STAU2: variants seen among roughly 807,000 people sequenced by gnomAD.
STAU2 encodes staufen double-stranded RNA binding protein 2.
Under a neutral mutation model 65.9 loss-of-function variants are expected in STAU2, and 20 were observed. That is an observed-to-expected ratio of 0.30 (90% CI 0.21 to 0.44). The LOEUF is 0.44. Ranked by LOEUF, STAU2 falls within the 20% of genes least tolerant of loss-of-function variation. The probability of loss-of-function intolerance (pLI) is 1.00; values close to 1 mark genes in which losing one functional copy is unlikely to be tolerated. For synonymous variants in STAU2, 232 were observed against 233.9 expected (o/e 0.99, Z 0.07); for missense variants, 558 against 683.9 (o/e 0.82, Z 2.05).
rs1432792386 is a variant in STAU2, at chr8:73,746,814, C to A, written c.-228G>T. 2.0e-5 allele frequency: 25 copies of A among 1,231,562 alleles called. No individual in the cohort carries two copies. Among genetic ancestry groups the A allele is most frequent in the Non-Finnish European group, 2.5e-5 (25 of 986,730 alleles). 76.3% of individuals were successfully genotyped at this position (1,231,562 alleles called of 1,614,324 possible). On this transcript the variant is annotated 5_prime_UTR_variant, in exon 1 of 15. Transcript: ENST00000524300. ...GCCGGGGACACTTTGCAGACGGCTCCAACATTGGCAAACACTACAGAGAAC... is the reference window on the plus strand; with the variant it reads ...GCCGGGGACACTTTGCAGACGGCTCAAACATTGGCAAACACTACAGAGAAC...
chr8:73,444,361 G>A (rs754854235), intron 13 of STAU2, among the ~76,000 whole-genome samples: 4 of 148,944 alleles, frequency 2.7e-5, no homozygotes, highest in Admixed American at 2.0e-4. Flanking sequence ...AGCCGAGATC[G>A]CATCATTGCA....
chr8:73,683,514 G>A (rs1038596092), intron 5 of STAU2, among the ~76,000 whole-genome samples: 6 of 152,096 alleles, frequency 3.9e-5, no homozygotes, highest in Admixed American at 1.3e-4. Flanking sequence ...ACTGAACAGG[G>A]AACAAGTTGA....
chr8:73,674,585 C>T (rs1817907839), intron 5 of STAU2, among the ~76,000 whole-genome samples: 1 of 151,542 alleles, frequency 6.6e-6, no homozygotes, highest in Non-Finnish European at 1.5e-5. Context: ...AGTCAAATAA[C>T]CACATATTCT....
At chr8:73,599,796 C>T (rs1314949915) in intron 10 of STAU2, among the ~76,000 whole-genome samples, 3 of 150,646 alleles carry the variant, frequency 2.0e-5, no homozygotes, top group Non-Finnish European at 4.4e-5. Flanking sequence ...GACGGAGTCT[C>T]GCTCTGTCAC....
chr8:73,564,229 G>T (rs2128951019), intron 12 of STAU2, among the ~76,000 whole-genome samples: 1 of 152,254 alleles, frequency 6.6e-6, no homozygotes, highest in East Asian at 1.9e-4. Context: ...GCATATTTTG[G>T]ATACCTGGGA....
At chr8:73,436,324 G>A (rs1192226045) in intron 13 of STAU2, among the ~76,000 whole-genome samples, 1 of 151,710 alleles carries the variant, frequency 6.6e-6, no homozygotes, top group Non-Finnish European at 1.5e-5. Context: ...TTTTTCTTGG[G>A]ACATTTGGTG....
At chr8:73,545,816 T>G (rs911285585) in intron 13 of STAU2, among the ~76,000 whole-genome samples, 3 of 151,562 alleles carry the variant, frequency 2.0e-5, no homozygotes, top group Non-Finnish European at 4.4e-5. Context: ...CCTGGCTAAT[T>G]TTTTGTATTT....
intron 13 of STAU2, among the ~76,000 whole-genome samples, chr8:73,538,131 T>A (rs1806304045): frequency 2.0e-5 from 3 of 152,302 alleles, no homozygotes; most frequent in African/African-American, 7.2e-5. Flanking sequence ...GCAATGTGGA[T>A]CCTAGACTGG....
chr8:73,527,268 A>G (rs966540225), intron 13 of STAU2: 1 of 159,768 alleles, frequency 6.3e-6, no homozygotes, highest in African/African-American at 2.4e-5. Flanking sequence ...ATTTCTCACA[A>G]CATATCCTTG....
At chr8:73,683,318 G>A (rs1818564177) in intron 5 of STAU2, among the ~76,000 whole-genome samples, 1 of 152,076 alleles carries the variant, frequency 6.6e-6, no homozygotes, top group African/African-American at 2.4e-5. Flanking sequence ...ACGTCCACAA[G>A]TCAATAAATG....
chr8:73,728,463 CAA>C (rs34893638), intron 3 of STAU2, among the ~76,000 whole-genome samples: 6 of 130,820 alleles, frequency 4.6e-5, no homozygotes, highest in Non-Finnish European at 8.0e-5. Flanking sequence ...CCAACTTTTG[CAA>C]AAAAAAAAAA....
chr8:73,463,506 A>C (rs1411019899), intron 13 of STAU2, among the ~76,000 whole-genome samples: 1 of 152,244 alleles, frequency 6.6e-6, no homozygotes, highest in Non-Finnish European at 1.5e-5. Context: ...ATGATTACAG[A>C]AGCTGGTGTT....
At chr8:73,648,943 A>C (rs1163961987) in intron 6 of STAU2, among the ~76,000 whole-genome samples, 1 of 152,080 alleles carries the variant, frequency 6.6e-6, no homozygotes, top group African/African-American at 2.4e-5. Flanking sequence ...AGTAGCTGGG[A>C]CTACAGGCCT....
intron 13 of STAU2, among the ~76,000 whole-genome samples, chr8:73,501,771 T>C (rs982578863): frequency 6.6e-6 from 1 of 152,058 alleles, no homozygotes; most frequent in African/African-American, 2.4e-5. Flanking sequence ...AATGCAATAA[T>C]TATTCATTGG....
rs577601991 is a variant in STAU2 at position 73,457,429 on chromosome 8, G to A, written c.1531-34727C>T. 9.7e-4 allele frequency among the ~76,000 whole-genome samples: 147 copies of A among 152,324 alleles called. 1 individual carries two copies. Among genetic ancestry groups the A allele is most frequent in the Middle Eastern group, 3.4e-3 (1 of 294 alleles). On this transcript the variant is annotated intron_variant, in intron 13 of 14. Transcript: ENST00000524300. ...ACACTCTTACACTCTTACATGCATA[G>A]TTGAATCTTCATCTCGAATGAACCG...
In STAU2 at chr8:73,637,477, T is replaced by TAAAAAAAAAAAAAAAAAAAAAAA. The variant is rs60833468; in HGVS notation, c.411-20049_411-20027dup. Among the ~76,000 whole-genome samples, 57 of 57,104 alleles carry TAAAAAAAAAAAAAAAAAAAAAAA rather than the reference T, an allele frequency of 1.0e-3. 1 individual carries two copies. Among genetic ancestry groups the TAAAAAAAAAAAAAAAAAAAAAAA allele is most frequent in the Middle Eastern group, 0.025 (1 of 40 alleles). The allele number at this position is 57,104 out of a possible 152,430, so 37.5% of individuals were successfully genotyped here. On this transcript the variant is annotated intron_variant, in intron 6 of 14. Coordinates refer to ENST00000524300, the MANE Select transcript of STAU2 (RefSeq NM_001164380.2). ...TAAAGTCTTTATAAAGTGCTGAAAG[T>TAAAAAAAAAAAAAAAAAAAAAAA]AAAAAAAAAAAAAAAAAAAAAAAAA...
chr8:73,551,850 G>A, intron 13 of STAU2, 162 bp downstream of exon 13: 1 of 1,307,596 alleles, frequency 7.6e-7, no homozygotes, highest in Non-Finnish European at 9.7e-7. Context: ...TGAGGCATGT[G>A]CATATGGCTT....
At chr8:73,554,812 T>C (rs1358515551) in intron 12 of STAU2, among the ~76,000 whole-genome samples, 1 of 152,144 alleles carries the variant, frequency 6.6e-6, no homozygotes, top group Non-Finnish European at 1.5e-5. Flanking sequence ...TAGGATAACC[T>C]AGGAAGCCCT....
At chr8:73,606,025 A>AGAAAAAG (rs1554548964) in intron 9 of STAU2, among the ~76,000 whole-genome samples, 1 of 150,482 alleles carries the variant, frequency 6.6e-6, no homozygotes, top group East Asian at 1.9e-4. Context: ...AAAAAGAAAA[A>AGAAAAAG]GAAAAAAAAA....
Sources: allele counts gnomAD v4.1 joint callset (sites outside exome capture counted in the v4.1 genomes callset), GRCh38; gene constraint gnomAD v4.1.1; transcripts MANE v1.5; gene names NCBI Gene and HGNC (gene_info 2026-07-23, HGNC 2026-07-21).